Variants in LRRC66 observed in about 807,000 individuals in gnomAD.
LRRC66 encodes leucine rich repeat containing 66.
A neutral mutation model predicts 24.6 loss-of-function variants in LRRC66; 29 were observed. The ratio of observed to expected loss-of-function variants is 1.18; its 90% CI spans 0.88 to 1.61. The LOEUF is 1.61. LRRC66 is among the 40% of genes most tolerant of loss of function. The pLI is 0.00. For synonymous variants in LRRC66, 411 were observed against 397.6 expected (o/e 1.03, Z -0.40); for missense variants, 1,124 against 1,058.0 (o/e 1.06, Z -0.87).
chr4:52,017,729 G>A, intron 1 of LRRC66, 111 bp from the exon 2 acceptor site: 3 of 1,377,350 alleles, frequency 2.2e-6, no homozygotes, highest in South Asian at 1.8e-5. Context: ...TCTTGTCTTG[G>A]TTGCCAATTT....
intron 3 of LRRC66, among the ~76,000 whole-genome samples, chr4:52,000,993 C>T (rs764082059): frequency 1.3e-5 from 2 of 152,162 alleles, no homozygotes; most frequent in Non-Finnish European, 2.9e-5. Flanking sequence ...TGTCCATCAC[C>T]CATGTATTCA....
Position 51,994,770 on chromosome 4 carries a change from T to C in LRRC66, c.2252A>G (p.Asp751Gly). 2.5e-6 allele frequency: 4 copies of C among 1,614,200 alleles called. No individual in the cohort carries two copies. The highest frequency in any genetic ancestry group is 3.4e-6 in the Non-Finnish European group (4 of 1,180,026). ...GASKDNVTAV[D>G]SLEENVTFQT... ...GAAGGTAACATTTTCCTCAAGACTG[T>C]CTACAGCCGTCACATTGTCCTTGCT... The change falls in exon 5 of 5, where the codon GAC becomes GGC. Residue 751 changes from aspartate to glycine, a missense_variant. Transcript: ENST00000682860.
chr4:52,012,654 G>A (rs1225147377), intron 2 of LRRC66, among the ~76,000 whole-genome samples: 1 of 152,168 alleles, frequency 6.6e-6, no homozygotes, highest in Admixed American at 6.5e-5. Context: ...CTGGGGCTTG[G>A]ACATCAGGGG....
chr4:51,995,151 C>T lies in LRRC66; in HGVS notation c.1871G>A (p.Arg624Lys), dbSNP rs769773690. 8 of 1,614,262 alleles carry T rather than the reference C, an allele frequency of 5.0e-6. No homozygotes were observed. In the South Asian group the frequency reaches 7.7e-5, roughly 16 times the overall value. The change falls in exon 5 of 5, where the codon AGG becomes AAG. Residue 624 changes from arginine (R) to lysine (K), a missense_variant. Transcript: ENST00000682860. The stretch of plus-strand genomic sequence containing the variant: ...CAAATCAATGGATGAACTCACTTGC[C>T]TTTCCTTAGAAAATTCCATCTGCGA... ...WDSQMEFSKERQVSSSIDLLS... is the reference protein window; with the variant it reads ...WDSQMEFSKEKQVSSSIDLLS...
intron 2 of LRRC66, among the ~76,000 whole-genome samples, chr4:52,005,612 A>ACCAG (rs1358687100): frequency 2.6e-5 from 3 of 115,596 alleles, no homozygotes; most frequent in Admixed American, 1.0e-4. Flanking sequence ...CAAAAAAAAA[A>ACCAG]AAACAGGAAA....
At chr4:52,017,739 T>C in intron 1 of LRRC66, 121 bp from the exon 2 acceptor site, 1 of 1,375,030 alleles carries the variant, frequency 7.3e-7, no homozygotes, top group Non-Finnish European at 9.3e-7. Context: ...GTTGCCAATT[T>C]AAGCGAATGT....
intron 4 of LRRC66, 99 bp from the exon 5 acceptor site, chr4:51,996,264 T>C: frequency 1.8e-5 from 21 of 1,174,482 alleles, no homozygotes; most frequent in Non-Finnish European, 2.5e-5. Context: ...TTCAATTTTT[T>C]TGAATTTTGA....
chr4:51,996,157 C>T lies in LRRC66; in HGVS notation c.865G>A (p.Glu289Lys). ...CTCTGGGGAGTGCCCCCGTTGGCCT[C>T]CTCACTCCCTGCAAGTGGGATTAAA... ...VICNRSIGSE[E>K]ANGGTPQSRI... The change falls in exon 5 of 5, where the codon GAG becomes AAG. Residue 289 changes from glutamate to lysine, a missense_variant. Transcript: ENST00000682860. The T allele has an allele frequency of 6.2e-7, 1 of 1,605,334 alleles. No homozygotes were observed. The highest frequency in any genetic ancestry group is 8.5e-7 in the Non-Finnish European group (1 of 1,175,124).
rs1353559908 is a variant in LRRC66 at position 51,995,850 on chromosome 4, A to C, written c.1172T>G (p.Phe391Cys). 6.2e-7 allele frequency: 1 copy of C among 1,614,056 alleles called. No homozygotes were observed. The highest frequency in any genetic ancestry group is 8.5e-7 in the Non-Finnish European group (1 of 1,180,042). ...AGGCCTTGTGAAAGCCCCCAGGCTG[A>C]AGGCGACAAGGAATGTGATGAACAC... ...LSVFITFLVA[F>C]SLGAFTRPYV... Residue 391 changes from phenylalanine (F) to cysteine (C), a missense_variant, in exon 5 of 5, where the codon TTC becomes TGC. Phe to Cys is a radical substitution (Grantham distance 205, BLOSUM62 -2). Coordinates refer to ENST00000682860, the MANE Select transcript of LRRC66 (RefSeq NM_001024611.3).
chr4:51,994,703 A>G lies in LRRC66; in HGVS notation c.2319T>C (p.Phe773=), dbSNP rs767369554. 1 of 1,614,142 alleles carries G rather than the reference A, an allele frequency of 6.2e-7. No individual in the cohort carries two copies. The highest frequency in any genetic ancestry group is 1.3e-5 in the African/African-American group (1 of 75,028). Residue 773 remains phenylalanine (F), a synonymous_variant, in exon 5 of 5, where the codon TTT becomes TTC. Coordinates refer to ENST00000682860, the MANE Select transcript of LRRC66 (RefSeq NM_001024611.3). ...PGKCKNQEDP[F]EKPLISAPDS... The stretch of plus-strand genomic sequence containing the variant: ...CTGGAGCAGAAATGAGAGGTTTTTC[A>G]AAGGGATCTTCTTGATTCTTGCATT...
In LRRC66 at chr4:52,017,219, T is replaced by A; in HGVS notation, c.395A>T (p.Lys132Met). The change falls in exon 2 of 5, where the codon AAG becomes ATG. Residue 132 changes from lysine (K) to methionine (M), a missense_variant. Physicochemically the swap from Lys to Met is moderately conservative, Grantham distance 95. Coordinates refer to ENST00000682860, the MANE Select transcript of LRRC66 (RefSeq NM_001024611.3). ...TCTGTGGCGTTTCACCCATGAGGAC[T>A]TAGGACTGAGTAGATCCAATGAGAG... ...HSLSLDLLSPKSSWVKRHRSS... is the reference protein window; with the variant it reads ...HSLSLDLLSPMSSWVKRHRSS... 2 of 1,614,120 alleles carry A rather than the reference T, an allele frequency of 1.2e-6. No individual in the cohort carries two copies. Among genetic ancestry groups the A allele is most frequent in the Non-Finnish European group, 1.7e-6 (2 of 1,179,960 alleles).
rs1286734612 is a variant in LRRC66 at position 51,995,940 on chromosome 4, T to C, written c.1082A>G (p.Asp361Gly). ...CTCTTTTTTGCCGGCAGCCTGCACA[T>C]CGCGGGTGCTTCTAACACTCCTTGG... is the stretch of plus-strand genomic sequence containing the variant. ...RLPRSVRSTR[D>G]VQAAGKKEDA... Residue 361 changes from aspartate (D) to glycine (G), a missense_variant, in exon 5 of 5, where the codon GAT (aspartate) becomes GGT (glycine). Physicochemically the swap from Asp to Gly is moderately conservative, Grantham distance 94 (BLOSUM62 -1). Coordinates refer to ENST00000682860, the MANE Select transcript of LRRC66 (RefSeq NM_001024611.3). The C allele has an allele frequency of 6.2e-7, 1 of 1,613,930 alleles. No homozygotes were observed. The highest frequency in any genetic ancestry group is 8.5e-7 in the Non-Finnish European group (1 of 1,179,992).
chr4:52,012,923 C>T (rs1404201323), intron 2 of LRRC66, among the ~76,000 whole-genome samples: 2 of 152,198 alleles, frequency 1.3e-5, no homozygotes, highest in African/African-American at 4.8e-5. Flanking sequence ...GTACTATGAA[C>T]TTAAGTGCTC....
intron 2 of LRRC66, among the ~76,000 whole-genome samples, chr4:52,016,802 A>G (rs969813547): frequency 6.6e-6 from 1 of 152,208 alleles, no homozygotes; most frequent in African/African-American, 2.4e-5. Context: ...GCTTTTCTAT[A>G]TTAACTAATA....
intron 2 of LRRC66, among the ~76,000 whole-genome samples, chr4:52,015,446 C>T (rs1163448254): frequency 6.6e-6 from 1 of 152,074 alleles, no homozygotes; most frequent in African/African-American, 2.4e-5. Flanking sequence ...GTATACGATT[C>T]GATGCCTTGT....
Position 51,995,711 on chromosome 4 carries a change from G to A in LRRC66, c.1311C>T (p.His437=). Residue 437 remains histidine (H), a synonymous_variant, in exon 5 of 5, where the codon CAC becomes CAT. Coordinates refer to ENST00000682860, the MANE Select transcript of LRRC66 (RefSeq NM_001024611.3). ...ATACTTGGCGCAGATGGGTCTCTGG[G>A]TGTGGTGTGTGCCCCGCAGCTTCCA... ...DDMEAAGHTP[H]PETHLRQVFP... 1 of 1,614,138 alleles carries A rather than the reference G, an allele frequency of 6.2e-7. No individual in the cohort carries two copies. The highest frequency in any genetic ancestry group is 2.2e-5 in the East Asian group (1 of 44,860).
intron 4 of LRRC66, among the ~76,000 whole-genome samples, chr4:51,997,481 G>GA (rs1736347051): frequency 6.6e-5 from 10 of 152,188 alleles, no homozygotes; most frequent in Admixed American, 6.5e-4. Flanking sequence ...CTCACTTCTA[G>GA]TGGAATTCCT....
intron 3 of LRRC66, among the ~76,000 whole-genome samples, chr4:52,002,746 A>G (rs1030599409): frequency 6.6e-6 from 1 of 152,234 alleles, no homozygotes; most frequent in Non-Finnish European, 1.5e-5. Context: ...TTGAAATGGA[A>G]GCAACAGGGT....
chr4:52,003,320 T>C lies in LRRC66; in HGVS notation c.569A>G (p.Asp190Gly). The C allele has an allele frequency of 6.2e-7, 1 of 1,613,940 alleles. No individual in the cohort carries two copies. The highest frequency in any genetic ancestry group is 8.5e-7 in the Non-Finnish European group (1 of 1,179,890). ...CTCCAGTTGCAGGCAGTTGTGAAAA[T>C]CAGACCACCCTATTTGCAATATCCC... is the stretch of plus-strand genomic sequence containing the variant. ...FNGILQIGWS[D>G]FHNCLQLENL... The change falls in exon 3 of 5, where the codon GAT (aspartate) becomes GGT (glycine). Residue 190 changes from aspartate (D) to glycine (G), a missense_variant. Asp to Gly is a moderately conservative substitution (Grantham distance 94). Transcript: ENST00000682860.
Sources: gnomAD v4.1 joint callset for allele counts (sites outside exome capture counted in the v4.1 genomes callset) on GRCh38, gnomAD v4.1.1 for gene constraint, MANE v1.5 for transcripts, NCBI Gene and HGNC (gene_info 2026-07-23, HGNC 2026-07-21) for gene names.